VPS37C: variants seen among roughly 807,000 people sequenced by gnomAD.
The protein encoded by VPS37C is VPS37C subunit of ESCRT-I.
Under a neutral mutation model 16.1 loss-of-function variants are expected in VPS37C, and 9 were observed. The observed-to-expected ratio is 0.56, with a 90% CI of 0.34 to 0.97. The LOEUF (loss-of-function observed/expected upper bound fraction) is 0.97. VPS37C is among the 50% of genes least tolerant of loss of function. VPS37C has a pLI of 0.02. For synonymous variants in VPS37C, 207 were observed against 206.4 expected, an observed-to-expected ratio of 1.00 and a Z score of -0.02; for missense variants, 479 against 472.7, an observed-to-expected ratio of 1.01 and a Z score of -0.12.
intron 1 of VPS37C, among the ~76,000 whole-genome samples, chr11:61,140,574 G>A (rs966061096): frequency 1.3e-5 from 2 of 152,216 alleles, no homozygotes; most frequent in South Asian, 4.1e-4. Flanking sequence ...CATACAGGTG[G>A]CCAGCCCCTC....
At chr11:61,146,473 T>C (rs1853208368) in intron 1 of VPS37C, among the ~76,000 whole-genome samples, 1 of 152,152 alleles carries the variant, frequency 6.6e-6, no homozygotes, top group African/African-American at 2.4e-5. Context: ...GGAGGAGAGA[T>C]GGGCCGCTCT....
At chr11:61,138,385 C>G (rs1404803372) in intron 2 of VPS37C, 1 of 220,382 alleles carries the variant, frequency 4.5e-6, no homozygotes, top group Non-Finnish European at 9.3e-6. Context: ...GCCTTAGAGT[C>G]ACCTGGAGAT....
chr11:61,145,534 A>G (rs1853190541), intron 1 of VPS37C: 1 of 152,530 alleles, frequency 6.6e-6, no homozygotes, highest in African/African-American at 2.4e-5. Context: ...CCAATGCCAC[A>G]GCCATCACCT....
intron 4 of VPS37C, chr11:61,132,780 A>C (rs1590782823): frequency 1.6e-6 from 1 of 616,350 alleles, no homozygotes; most frequent in South Asian, 2.1e-5. Context: ...CTGTCCTGGC[A>C]CCTTGGCATC....
Position 61,132,260 on chromosome 11 carries a change from A to G in VPS37C, c.628T>C (p.Ser210Pro). The G allele has an allele frequency of 1.3e-6, 2 of 1,525,854 alleles. No homozygotes were observed. Among genetic ancestry groups the G allele is most frequent in the Non-Finnish European group, 8.8e-7 (1 of 1,135,522 alleles). The allele number at this position is 1,525,854 out of a possible 1,614,324, so 94.5% of individuals were successfully genotyped here. The change falls in exon 5 of 5, where the codon TCC becomes CCC. Residue 210 changes from serine to proline, a missense_variant. Physicochemically the swap from Ser to Pro is moderately conservative, Grantham distance 74. Transcript: ENST00000301765. ...GTGGGGCCCACAGGCAGGCTGGGGG[A>G]TGGGCTGTAGGGCAAAGGGTAGGGA... ...MPPYPLPYSPSPSLPVGPTAH... is the reference protein window; with the variant it reads ...MPPYPLPYSPPPSLPVGPTAH...
chr11:61,138,866 C>A lies in VPS37C; in HGVS notation c.-6-31G>T, dbSNP rs762281792. 6 of 1,607,730 alleles carry A rather than the reference C, an allele frequency of 3.7e-6. No homozygotes were observed. The South Asian group carries it at 6.6e-5, about 18-fold the overall frequency. ...AACACAGTGACACCAAAGTAACGAACAGGCAGCCCAAGACGAAGGGACCCC... is the reference window on the plus strand; with the variant it reads ...AACACAGTGACACCAAAGTAACGAAAAGGCAGCCCAAGACGAAGGGACCCC... On this transcript the variant is annotated intron_variant, in intron 1 of 4. Transcript: ENST00000301765.
chr11:61,134,344 C>G (rs1861327951), intron 2 of VPS37C, 137 bp from the exon 3 acceptor site: 1 of 931,888 alleles, frequency 1.1e-6, no homozygotes. Flanking sequence ...ACTCAGCCCT[C>G]AACTAGTCAG....
At chr11:61,139,486 A>G (rs1861435717) in intron 1 of VPS37C, among the ~76,000 whole-genome samples, 1 of 151,528 alleles carries the variant, frequency 6.6e-6, no homozygotes, top group African/African-American at 2.4e-5. Flanking sequence ...GCAGGCAATC[A>G]GGAAGGAAAG....
intron 1 of VPS37C, among the ~76,000 whole-genome samples, chr11:61,150,423 G>A (rs975393763): frequency 9.7e-4 from 146 of 150,720 alleles, no homozygotes; most frequent in African/African-American, 3.2e-3. Flanking sequence ...TCCCCTCACC[G>A]CCCCCACCTG....
At chr11:61,157,478 C>A (rs1323282533) in intron 1 of VPS37C, among the ~76,000 whole-genome samples, 2 of 152,096 alleles carry the variant, frequency 1.3e-5, no homozygotes, top group African/African-American at 4.8e-5. Flanking sequence ...GATTTGCATT[C>A]CATAATGACT....
At chr11:61,135,179 G>A (rs1299103945) in intron 2 of VPS37C, among the ~76,000 whole-genome samples, 1 of 152,252 alleles carries the variant, frequency 6.6e-6, no homozygotes, top group East Asian at 1.9e-4. Flanking sequence ...GACAGACCAA[G>A]CCAGACTGGC....
chr11:61,151,102 C>T (rs1853291870), intron 1 of VPS37C, among the ~76,000 whole-genome samples: 1 of 152,188 alleles, frequency 6.6e-6, no homozygotes, highest in South Asian at 2.1e-4. Flanking sequence ...CAACAGAGCC[C>T]GTCCAGCTTC....
At chr11:61,150,573 A>C in intron 1 of VPS37C, among the ~76,000 whole-genome samples, 1 of 148,938 alleles carries the variant, frequency 6.7e-6, no homozygotes, top group Non-Finnish European at 1.5e-5. Flanking sequence ...TTTTTTTCCA[A>C]ACAGAACATT....
At chr11:61,155,134 A>C (rs1384014058) in intron 1 of VPS37C, among the ~76,000 whole-genome samples, 3 of 149,400 alleles carry the variant, frequency 2.0e-5, no homozygotes, top group Non-Finnish European at 3.0e-5. Context: ...GGGGACAGGG[A>C]GAAAGAAAAG....
chr11:61,155,098 T>C (rs1431083713), intron 1 of VPS37C, among the ~76,000 whole-genome samples: 9 of 76,706 alleles, frequency 1.2e-4, no homozygotes, highest in Admixed American at 5.3e-4. Context: ...AGTGAGACTC[T>C]GTCTCCAAAA....
At chr11:61,159,596 A>G (rs999885687) in intron 1 of VPS37C, among the ~76,000 whole-genome samples, 4 of 152,018 alleles carry the variant, frequency 2.6e-5, no homozygotes, top group Admixed American at 1.3e-4. Flanking sequence ...GGAGTTCGAG[A>G]CCAGCCTGGC....
intron 1 of VPS37C, among the ~76,000 whole-genome samples, chr11:61,155,903 T>C (rs1339278873): frequency 1.3e-5 from 2 of 152,216 alleles, no homozygotes. Context: ...TGTTGTGGGA[T>C]TTATGGCACG....
chr11:61,157,587 G>T (rs987061890), intron 1 of VPS37C, among the ~76,000 whole-genome samples: 1 of 152,086 alleles, frequency 6.6e-6, no homozygotes, highest in Non-Finnish European at 1.5e-5. Context: ...GAATCGGGTT[G>T]TTTTTTGTTG....
At chr11:61,133,830 T>C (rs953548680) in intron 3 of VPS37C, among the ~76,000 whole-genome samples, 1 of 152,210 alleles carries the variant, frequency 6.6e-6, no homozygotes, top group African/African-American at 2.4e-5. Context: ...ATTCCACCTA[T>C]TTCTAAGCTG....
Sources: gnomAD v4.1 joint callset for allele counts (sites outside exome capture counted in the v4.1 genomes callset) on GRCh38, gnomAD v4.1.1 for gene constraint, MANE v1.5 for transcripts, NCBI Gene and HGNC (gene_info 2026-07-23, HGNC 2026-07-21) for gene names.